The following MYO16 variants were observed in gnomAD, a reference collection of about 807,000 sequenced individuals.
The protein encoded by MYO16 is myosin XVI.
In MYO16, 94 loss-of-function variants were observed where a neutral mutation model predicts 205.3. The observed-to-expected ratio is 0.46, with a 90% CI of 0.39 to 0.54. The LOEUF is 0.54. MYO16 is among the 20% of genes least tolerant of loss of function. MYO16 has a pLI of 0.00. For missense variants in MYO16, 2,315 were observed against 2,387.5 expected, an observed-to-expected ratio of 0.97 and a Z score of 0.63; for synonymous variants, 988 against 954.0, an observed-to-expected ratio of 1.04 and a Z score of -0.66.
chr13:108,841,081 G>T (rs434820), intron 9 of MYO16, among the ~76,000 whole-genome samples: 89,430 of 151,978 alleles, frequency 0.59, 27,696 homozygotes, highest in Middle Eastern at 0.72. Context: ...ATCTCTAATT[G>T]CCAGATAATT....
At chr13:108,923,926 T>C (rs1438467725) in intron 16 of MYO16, among the ~76,000 whole-genome samples, 1 of 152,220 alleles carries the variant, frequency 6.6e-6, no homozygotes, top group Non-Finnish European at 1.5e-5. Flanking sequence ...CATATTGGCA[T>C]TGTTGTATAG....
chr13:108,541,692 C>T, the MYO16 span, among the ~76,000 whole-genome samples: 2 of 151,968 alleles, frequency 1.3e-5, no homozygotes, highest in African/African-American at 4.8e-5. Context: ...CTACATGTGG[C>T]CAAAACAAGC....
In MYO16 at chr13:108,800,010, C is replaced by T. The variant is rs192438381; in HGVS notation, c.741+6370C>T. On this transcript the variant is annotated intron_variant, in intron 6 of 34. Transcript: ENST00000457511. ...TGAGAATTTGGGGGTGTTTTGGATC[C>T]CACCCGCCCGCCATCATCATGGGGA... 3.7e-3 allele frequency among the ~76,000 whole-genome samples: 561 copies of T among 152,052 alleles called. 4 individuals carry two copies. The highest frequency in any genetic ancestry group is 0.013 in the African/African-American group (521 of 41,484).
At chr13:108,687,650 A>G (rs1170899689) in intron 2 of MYO16, among the ~76,000 whole-genome samples, 2 of 152,252 alleles carry the variant, frequency 1.3e-5, no homozygotes, top group African/African-American at 4.8e-5. Context: ...ATGTATTTGA[A>G]CAACGCACTT....
At chr13:109,193,381 A>G (rs1361610937) in intron 34 of MYO16, among the ~76,000 whole-genome samples, 1 of 152,146 alleles carries the variant, frequency 6.6e-6, no homozygotes, top group Non-Finnish European at 1.5e-5. Context: ...AGGTCACTGC[A>G]TTTTGGAGTT....
At chr13:108,747,369 T>C (rs1885099166) in intron 4 of MYO16, among the ~76,000 whole-genome samples, 1 of 152,184 alleles carries the variant, frequency 6.6e-6, no homozygotes, top group Non-Finnish European at 1.5e-5. Flanking sequence ...GTAAAACGAA[T>C]GACTGTAATA....
chr13:108,730,399 T>A (rs1884482797), intron 4 of MYO16, among the ~76,000 whole-genome samples: 1 of 152,150 alleles, frequency 6.6e-6, no homozygotes, highest in South Asian at 2.1e-4. Context: ...AGGGTATTTC[T>A]TCATAGCAGC....
intron 16 of MYO16, among the ~76,000 whole-genome samples, chr13:108,930,072 G>T (rs1002208271): frequency 3.3e-5 from 5 of 152,084 alleles, no homozygotes; most frequent in Non-Finnish European, 7.4e-5. Flanking sequence ...TTATTTTATA[G>T]GTATGTACAC....
chr13:108,948,882 A>G (rs1883037797), intron 16 of MYO16, among the ~76,000 whole-genome samples: 1 of 152,050 alleles, frequency 6.6e-6, no homozygotes, highest in Non-Finnish European at 1.5e-5. Flanking sequence ...ACACACCCAC[A>G]CTCACACCTC....
chr13:108,813,622 T>C (rs1436727004), intron 7 of MYO16, among the ~76,000 whole-genome samples: 1 of 152,178 alleles, frequency 6.6e-6, no homozygotes, highest in African/African-American at 2.4e-5. Flanking sequence ...GTAACTAATA[T>C]TAATTCAAAT....
chr13:108,599,397 G>C (rs1878681154), intron 1 of MYO16, among the ~76,000 whole-genome samples: 1 of 151,442 alleles, frequency 6.6e-6, no homozygotes, highest in Non-Finnish European at 1.5e-5. Context: ...TCTAGTTCTA[G>C]ATCCCTGAGG....
rs78968960 is a variant in MYO16, at chr13:108,860,625, C to T, written c.1359+5072C>T. Among the ~76,000 whole-genome samples, 3,138 of 152,258 alleles carry T rather than the reference C, an allele frequency of 0.021. 196 individuals carry two copies. In the East Asian group the frequency reaches 0.21, roughly 10 times the overall value. On this transcript the variant is annotated intron_variant, in intron 11 of 34. Transcript: ENST00000457511. ...TGTTTGAACTAATTTACACTCCCAA[C>T]AACAGTGTACTGCTGCACATCTGTG...
At chr13:108,929,306 G>T (rs1344621663) in intron 16 of MYO16, among the ~76,000 whole-genome samples, 1 of 152,160 alleles carries the variant, frequency 6.6e-6, no homozygotes, top group Non-Finnish European at 1.5e-5. Flanking sequence ...ATATGCACAA[G>T]TGAAAAGCTG....
chr13:108,723,899 A>G (rs931857515), intron 3 of MYO16, among the ~76,000 whole-genome samples: 2 of 152,280 alleles, frequency 1.3e-5, no homozygotes, highest in South Asian at 4.1e-4. Context: ...TTGAATCTAC[A>G]GATCAATTTG....
intron 27 of MYO16, among the ~76,000 whole-genome samples, chr13:109,067,117 TC>T (rs1729639429): frequency 6.6e-6 from 1 of 152,150 alleles, no homozygotes; most frequent in Non-Finnish European, 1.5e-5. Context: ...TCATCATGGG[TC>T]ACCGCTGTGT....
chr13:108,769,462 G>A (rs911207768), intron 4 of MYO16, among the ~76,000 whole-genome samples: 10 of 152,170 alleles, frequency 6.6e-5, no homozygotes, highest in Non-Finnish European at 1.3e-4. Context: ...CCAAGGGAAA[G>A]GGGAGCTTTC....
upstream of MYO16, among the ~76,000 whole-genome samples, chr13:108,627,491 A>G (rs1291013136): frequency 1.3e-5 from 2 of 152,260 alleles, no homozygotes; most frequent in East Asian, 1.9e-4. Flanking sequence ...TCTCTATTTC[A>G]TCTGACGATA....
At chr13:108,797,764 T>G (rs1172647867) in intron 6 of MYO16, among the ~76,000 whole-genome samples, 1 of 152,218 alleles carries the variant, frequency 6.6e-6, no homozygotes, top group East Asian at 1.9e-4. Context: ...TTTCTTTGTA[T>G]GGTAGAATAT....
intron 27 of MYO16, among the ~76,000 whole-genome samples, chr13:109,068,052 G>C (rs982781665): frequency 6.6e-6 from 1 of 152,066 alleles, no homozygotes; most frequent in Admixed American, 6.6e-5. Flanking sequence ...CAAATGAAAC[G>C]AAGGTGATTA....
Sources: allele counts gnomAD v4.1 joint callset (sites outside exome capture counted in the v4.1 genomes callset), GRCh38; gene constraint gnomAD v4.1.1; transcripts MANE v1.5; gene names NCBI Gene and HGNC (gene_info 2026-07-23, HGNC 2026-07-21).